The following GRM8 variants were observed in gnomAD, a reference collection of about 807,000 sequenced individuals.
The protein encoded by GRM8 is glutamate metabotropic receptor 8.
GRM8 carries 47 observed loss-of-function variants against 87.2 expected under a neutral mutation model. That is an observed-to-expected ratio of 0.54 (90% confidence interval 0.43 to 0.69). The LOEUF is 0.69. Ranked by LOEUF, GRM8 falls within the 30% of genes least tolerant of loss-of-function variation. The pLI is 0.00. For missense variants in GRM8, 1,019 were observed against 1,139.2 expected (o/e 0.89, Z 1.52); for synonymous variants, 396 against 404.5 (o/e 0.98, Z 0.25).
chr7:126,457,997 C>A (rs1803447945), intron 9 of GRM8, among the ~76,000 whole-genome samples: 3 of 143,190 alleles, frequency 2.1e-5, no homozygotes, highest in South Asian at 2.2e-4. Context: ...AATATGCCAG[C>A]AAATTACTTC....
At chr7:126,629,147 C>T (rs1026086267) in intron 7 of GRM8, among the ~76,000 whole-genome samples, 4 of 152,116 alleles carry the variant, frequency 2.6e-5, no homozygotes, top group African/African-American at 9.7e-5. Context: ...GAATCCTCCC[C>T]GGAGGTCAAT....
At chr7:127,210,830 TAAG>T (rs66505540) in intron 2 of GRM8, among the ~76,000 whole-genome samples, 15,454 of 152,100 alleles carry the variant, frequency 0.1, 1,395 homozygotes, top group African/African-American at 0.25. Flanking sequence ...CCATATTTTA[TAAG>T]AAGATCAATT....
At chr7:126,610,973 C>T (rs1048670988) in intron 7 of GRM8, among the ~76,000 whole-genome samples, 1 of 152,206 alleles carries the variant, frequency 6.6e-6, no homozygotes, top group Non-Finnish European at 1.5e-5. Context: ...CATTGATTTC[C>T]ACAACTTGTG....
intron 8 of GRM8, among the ~76,000 whole-genome samples, chr7:126,575,659 C>A (rs188603550): frequency 6.6e-6 from 1 of 152,128 alleles, no homozygotes; most frequent in African/African-American, 2.4e-5. Flanking sequence ...ATTGAATAAT[C>A]AGATGTCAAT....
chr7:126,972,305 T>G (rs372460500), intron 3 of GRM8, among the ~76,000 whole-genome samples: 1 of 152,208 alleles, frequency 6.6e-6, no homozygotes, highest in Non-Finnish European at 1.5e-5. Context: ...TTTTGCATCA[T>G]GCAGAGCAAA....
At chr7:126,974,219 A>T (rs577575778) in intron 3 of GRM8, among the ~76,000 whole-genome samples, 25 of 152,358 alleles carry the variant, frequency 1.6e-4, no homozygotes, top group Non-Finnish European at 2.5e-4. Flanking sequence ...TCCAAAATAC[A>T]GAAAAAGGCC....
chr7:127,230,075 G>T (rs139481882), intron 2 of GRM8, among the ~76,000 whole-genome samples: 1 of 152,048 alleles, frequency 6.6e-6, no homozygotes, highest in African/African-American at 2.4e-5. Context: ...GAAAGGGTTG[G>T]GGGGAGGGAT....
chr7:126,642,764 T>C (rs1191649144), intron 7 of GRM8, among the ~76,000 whole-genome samples: 1 of 152,176 alleles, frequency 6.6e-6, no homozygotes, highest in African/African-American at 2.4e-5. Flanking sequence ...AGAGGCAGTG[T>C]TGCTAGTGGT....
chr7:126,684,164 T>C (rs1807915486), intron 7 of GRM8, among the ~76,000 whole-genome samples: 1 of 152,110 alleles, frequency 6.6e-6, no homozygotes, highest in Non-Finnish European at 1.5e-5. Flanking sequence ...TAGGGCACGA[T>C]CACTGTATAT....
chr7:126,931,712 AAC>A lies in GRM8; in HGVS notation c.728-27031_728-27030del, dbSNP rs776326349. On this transcript the variant is annotated intron_variant, in intron 3 of 10. Coordinates refer to ENST00000339582, the MANE Select transcript of GRM8 (RefSeq NM_000845.3). ...GTAAAAAAAACTTCATAGGAAGAAA[AAC>A]ACAGTCTCCTGCAACAATGTGAGTT... Among the ~76,000 whole-genome samples, 6 of 152,296 alleles carry A rather than the reference AAC, an allele frequency of 3.9e-5. No individual in the cohort carries two copies. In the East Asian group the frequency reaches 5.8e-4, roughly 15 times the overall value.
intron 3 of GRM8, among the ~76,000 whole-genome samples, chr7:126,965,911 A>G (rs142186520): frequency 1.3e-5 from 2 of 152,156 alleles, no homozygotes; most frequent in African/African-American, 4.8e-5. Flanking sequence ...TTCTTGCCAG[A>G]CTGTGAGCTA....
At chr7:126,720,603 A>T (rs1229536047) in intron 7 of GRM8, among the ~76,000 whole-genome samples, 2 of 152,190 alleles carry the variant, frequency 1.3e-5, no homozygotes, top group Non-Finnish European at 2.9e-5. Flanking sequence ...GGATAAGTAG[A>T]TTATTTCTGA....
In GRM8 at chr7:126,456,509, A is replaced by G. The variant is rs573872192; in HGVS notation, c.2431-10137T>C. ...CTTTGCTGAATCCTAAGTGTAAGAA[A>G]GCAGCAAGCTAAAAAAAAAAAAAAA... On this transcript the variant is annotated intron_variant, in intron 9 of 10. Transcript: ENST00000339582. Among the ~76,000 whole-genome samples, 3 of 135,144 alleles carry G rather than the reference A, an allele frequency of 2.2e-5. No homozygotes were observed. In the South Asian group the frequency reaches 7.6e-4, roughly 34 times the overall value. 88.7% of individuals were successfully genotyped at this position (135,144 alleles called of 152,430 possible). A position where few individuals can be genotyped will look rare whatever the true frequency, so the allele number is the denominator to read the frequency against.
Position 126,782,440 on chromosome 7 carries a change from G to A in GRM8, c.1157-12375C>T, listed in dbSNP as rs572566412. ...TCATTTTCTCTCCCATTGTAATTAA[G>A]TTCTATTGAGGATAACTAAAACTTA... On this transcript the variant is annotated intron_variant, in intron 6 of 10. Coordinates refer to ENST00000339582, the MANE Select transcript of GRM8 (RefSeq NM_000845.3). Among the ~76,000 whole-genome samples, 77 of 152,160 alleles carry A rather than the reference G, an allele frequency of 5.1e-4. 1 individual carries two copies. Among genetic ancestry groups the A allele is most frequent in the Admixed American group, 1.0e-3 (16 of 15,284 alleles).
At chr7:127,188,810 AC>A (rs1563567522) in intron 2 of GRM8, among the ~76,000 whole-genome samples, 1 of 152,174 alleles carries the variant, frequency 6.6e-6, no homozygotes, top group Non-Finnish European at 1.5e-5. Flanking sequence ...ACTAACCTTG[AC>A]CTGGCAGAGC....
At chr7:126,545,672 A>T (rs1434258666) in intron 8 of GRM8, among the ~76,000 whole-genome samples, 2 of 152,182 alleles carry the variant, frequency 1.3e-5, no homozygotes, top group East Asian at 3.8e-4. Context: ...TACATAAATA[A>T]TTACATTGAA....
chr7:126,540,659 TAAGAA>T (rs928360706), intron 8 of GRM8, among the ~76,000 whole-genome samples: 4 of 152,160 alleles, frequency 2.6e-5, no homozygotes, highest in African/African-American at 7.2e-5. Context: ...AACATTACAC[TAAGAA>T]ATGAAAGCAG....
At chr7:126,505,823 A>T (rs570048694) in intron 9 of GRM8, among the ~76,000 whole-genome samples, 2 of 152,154 alleles carry the variant, frequency 1.3e-5, no homozygotes, top group East Asian at 3.9e-4. Flanking sequence ...TAACATATTT[A>T]ATATTTTCTC....
intron 2 of GRM8, among the ~76,000 whole-genome samples, chr7:127,121,700 G>C (rs577964770): frequency 6.6e-6 from 1 of 152,206 alleles, no homozygotes; most frequent in African/African-American, 2.4e-5. Flanking sequence ...CAGGGGTGAG[G>C]GAGAGAGAGT....
Sources: allele counts gnomAD v4.1 joint callset (sites outside exome capture counted in the v4.1 genomes callset), GRCh38; gene constraint gnomAD v4.1.1; transcripts MANE v1.5; gene names NCBI Gene and HGNC (gene_info 2026-07-23, HGNC 2026-07-21).